The following ANKRD30A variants were observed in gnomAD, a reference collection of about 807,000 sequenced individuals.
ANKRD30A encodes ankyrin repeat domain-containing protein 30A.
ANKRD30A carries 170 observed loss-of-function variants against 166.3 expected under a neutral mutation model. The ratio of observed to expected loss-of-function variants is 1.02; its 90% CI spans 0.90 to 1.16. The LOEUF is 1.16. Among genes scored for constraint, ANKRD30A ranks in the 50% most tolerant of loss-of-function variants. ANKRD30A has a pLI of 0.00. For missense variants in ANKRD30A, 1,630 were observed against 1,518.0 expected (o/e 1.07, Z -1.23); for synonymous variants, 564 against 508.9 (o/e 1.11, Z -1.46).
At chr10:37,144,950 A>G (rs753481934) in intron 7 of ANKRD30A, 45 bp from the exon 8 acceptor site, 6 of 1,389,626 alleles carry the variant, frequency 4.3e-6, no homozygotes, top group African/African-American at 2.9e-5. Context: ...AAAATTTATA[A>G]TAAGAAATGT....
At chr10:37,258,328 G>A in the ANKRD30A span, among the ~76,000 whole-genome samples, 1 of 152,024 alleles carries the variant, frequency 6.6e-6, no homozygotes, top group Non-Finnish European at 1.5e-5. Context: ...AGACCAAGAA[G>A]AACCAAGAAA....
chr10:37,219,521 C>A lies in ANKRD30A; in HGVS notation c.3809C>A (p.Ala1270Glu), dbSNP rs1296804432. The A allele has an allele frequency of 6.2e-7, 1 of 1,610,300 alleles. No homozygotes were observed. The highest frequency in any genetic ancestry group is 8.5e-7 in the Non-Finnish European group (1 of 1,177,698). ...AGCCTAAAAATTAATCTCAATTATG[C>A]AGGAGATGCTCTAAGAGAAAATACA... Reference protein sequence around the residue: ...SKSLKINLNYAGDALRENTLV... With the variant: ...SKSLKINLNYEGDALRENTLV... The change falls in exon 34 of 36, where the codon GCA becomes GAA. Residue 1270 changes from alanine to glutamate, a missense_variant. By Grantham distance (107) the Ala-to-Glu change is moderately radical. This residue lies in a region of ANKRD30A where 712 missense variants were observed against 629.3 expected (regional missense o/e 1.13). Coordinates refer to ENST00000361713, the MANE Select transcript of ANKRD30A (RefSeq NM_052997.3).
chr10:37,126,422 T>C (rs1419539036), intron 1 of ANKRD30A, among the ~76,000 whole-genome samples: 3 of 152,214 alleles, frequency 2.0e-5, no homozygotes, highest in African/African-American at 4.8e-5. Context: ...ATAATTCCCA[T>C]AATATATGTA....
Position 37,125,880 on chromosome 10 carries a change from C to G in ANKRD30A, c.93C>G (p.Ser31=), listed in dbSNP as rs1219504162. 5 of 1,542,452 alleles carry G rather than the reference C, an allele frequency of 3.2e-6. No individual in the cohort carries two copies. In the East Asian group the frequency reaches 1.1e-4, roughly 35 times the overall value. Residue 31 remains serine, a synonymous_variant, in exon 1 of 36, where the codon TCC becomes TCG. Transcript: ENST00000361713. ...AGCTAGTCTATACCAGCAACGACTC[C>G]TACATCGTCCACTCTGGGGATCTTA... The part of the protein sequence containing the change: ...FSQLVYTSND[S]YIVHSGDLRK...
At chr10:37,260,833 T>C in the ANKRD30A span, among the ~76,000 whole-genome samples, 1 of 151,888 alleles carries the variant, frequency 6.6e-6, no homozygotes, top group African/African-American at 2.4e-5. Flanking sequence ...CACTTATAAG[T>C]GGGAACTAAA....
chr10:37,245,138 T>A, the ANKRD30A span, among the ~76,000 whole-genome samples: 1 of 152,306 alleles, frequency 6.6e-6, no homozygotes, highest in South Asian at 2.1e-4. Flanking sequence ...TTTTAAAAAA[T>A]TTCACATAGA....
intron 13 of ANKRD30A, among the ~76,000 whole-genome samples, chr10:37,156,936 A>G (rs1838428049): frequency 6.6e-6 from 1 of 152,200 alleles, no homozygotes; most frequent in Non-Finnish European, 1.5e-5. Context: ...GGTTAGACAT[A>G]AATTTTGTGT....
At chr10:37,263,504 C>G in the ANKRD30A span, among the ~76,000 whole-genome samples, 1 of 151,346 alleles carries the variant, frequency 6.6e-6, no homozygotes, top group Non-Finnish European at 1.5e-5. Context: ...ATAGCCCCAT[C>G]TAGGGGTGAT....
At chr10:37,235,402 A>G (rs989662339), downstream of ANKRD30A, among the ~76,000 whole-genome samples, 2 of 152,188 alleles carry the variant, frequency 1.3e-5, no homozygotes, top group African/African-American at 4.8e-5. Flanking sequence ...TAAACTATTG[A>G]TATTTTTATC....
chr10:37,248,222 CA>C, the ANKRD30A span: 1 of 626,238 alleles, frequency 1.6e-6, no homozygotes, highest in Non-Finnish European at 3.1e-6. Flanking sequence ...CCCAGAATGC[CA>C]AAGACTTCAA....
chr10:37,130,206 C>T lies in ANKRD30A; in HGVS notation c.338C>T (p.Ala113Val), dbSNP rs755171334. 3.2e-6 allele frequency: 5 copies of T among 1,577,866 alleles called. No individual in the cohort carries two copies. The highest frequency in any genetic ancestry group is 4.3e-6 in the Non-Finnish European group (5 of 1,164,334). ...DGEHRTPLMKALQCHQEACAN... is the reference protein window; with the variant it reads ...DGEHRTPLMKVLQCHQEACAN... Reference sequence around the variant, plus strand: ...TAATTCTTGCTTTAATACTGACAGGCTCTACAATGCCATCAGGAGGCTTGT... The same window carrying T: ...TAATTCTTGCTTTAATACTGACAGGTTCTACAATGCCATCAGGAGGCTTGT... The change falls in exon 3 of 36, where the codon GCT (alanine) becomes GTT (valine). Residue 113 changes from alanine (A) to valine (V), a missense_variant and splice_region_variant. By Grantham distance (64) the Ala-to-Val change is moderately conservative. Around this residue, in one of 4 missense-constraint regions of ANKRD30A, gnomAD observed 904 missense variants for 818.5 expected, o/e 1.10. Coordinates refer to ENST00000361713, the MANE Select transcript of ANKRD30A (RefSeq NM_052997.3).
chr10:37,166,775 G>A, intron 19 of ANKRD30A, 80 bp downstream of exon 19: 8 of 1,576,100 alleles, frequency 5.1e-6, no homozygotes, highest in Non-Finnish European at 6.8e-6. Context: ...TCTAGTAGCT[G>A]AAGAAAATTA....
the ANKRD30A span, among the ~76,000 whole-genome samples, chr10:37,246,392 A>G: frequency 1.3e-5 from 2 of 152,092 alleles, 1 homozygote; most frequent in African/African-American, 4.8e-5. Context: ...ATTCATTGCT[A>G]CTTTTGGTAT....
downstream of ANKRD30A, among the ~76,000 whole-genome samples, chr10:37,234,354 A>G (rs1308969339): frequency 6.6e-6 from 1 of 152,228 alleles, no homozygotes; most frequent in African/African-American, 2.4e-5. Flanking sequence ...CTTCAAAAAT[A>G]CATCAGTCAT....
At chr10:37,249,137 GGCTTCTGAGCCGGA>G in the ANKRD30A span, among the ~76,000 whole-genome samples, 1 of 152,144 alleles carries the variant, frequency 6.6e-6, no homozygotes, top group Non-Finnish European at 1.5e-5. Flanking sequence ...CTGAGGCCCT[GGCTTCTGAGCCGGA>G]TATTCCTGAT....
At chr10:37,227,976 G>C (rs1311352397) in intron 34 of ANKRD30A, among the ~76,000 whole-genome samples, 2 of 151,938 alleles carry the variant, frequency 1.3e-5, no homozygotes. Flanking sequence ...CCTGATTCTT[G>C]TGTATAACAC....
chr10:37,173,074 A>G (rs1839722378), intron 21 of ANKRD30A, among the ~76,000 whole-genome samples: 1 of 152,066 alleles, frequency 6.6e-6, no homozygotes, highest in Non-Finnish European at 1.5e-5. Flanking sequence ...AAATATGTCA[A>G]TATTGAAAGC....
the ANKRD30A span, among the ~76,000 whole-genome samples, chr10:37,256,135 C>T: frequency 6.6e-6 from 1 of 152,200 alleles, no homozygotes; most frequent in East Asian, 1.9e-4. Flanking sequence ...TAACTCATTC[C>T]ATCATACCAT....
In ANKRD30A at chr10:37,165,128, C is replaced by T. The variant is rs753472196; in HGVS notation, c.2037C>T (p.Asp679=). ...TCCCATCAGAATCCAAACAAAAGGA[C>T]TATGAAGAAAATTCTTGGGATACTG... ...EILPSESKQK[D]YEENSWDTES... The change falls in exon 18 of 36, where the codon GAC becomes GAT. Residue 679 remains aspartate, a synonymous_variant. Transcript: ENST00000361713. The T allele has an allele frequency of 3.7e-6, 6 of 1,609,176 alleles. No individual in the cohort carries two copies. In the East Asian group the frequency reaches 1.3e-4, roughly 36 times the overall value.
Sources: allele counts gnomAD v4.1 joint callset (sites outside exome capture counted in the v4.1 genomes callset), GRCh38; gene constraint gnomAD v4.1.1; regional missense constraint gnomAD v4.1.1; transcripts MANE v1.5; gene names NCBI Gene and HGNC (gene_info 2026-07-23, HGNC 2026-07-21).